The following PXMP2 variants were observed in gnomAD, a reference collection of about 807,000 sequenced individuals.
PXMP2 encodes the protein 22 kDa peroxisomal membrane protein.
PXMP2 carries 13 observed loss-of-function variants against 20.2 expected under a neutral mutation model. The ratio of observed to expected loss-of-function variants is 0.64; its 90% CI spans 0.42 to 1.02. The LOEUF is 1.02. PXMP2 is among the 50% of genes least tolerant of loss of function. PXMP2 has a pLI of 0.00. For missense variants in PXMP2, 284 were observed against 251.8 expected (o/e 1.13, Z -0.87); for synonymous variants, 113 against 111.2 (o/e 1.02, Z -0.10).
rs1461543117 is a variant in PXMP2, at chr12:132,694,433, CAGTT to C, written c.237-1443_237-1440del. The stretch of plus-strand genomic sequence containing the variant: ...TTGCCAGTTAGTGAGCTCCCTTAGC[CAGTT>C]AGTTAGTGAGCTCCCTTAGCCAGTT... On this transcript the variant is annotated intron_variant, in intron 2 of 4. Coordinates refer to ENST00000317479, the MANE Select transcript of PXMP2 (RefSeq NM_018663.3). Among the ~76,000 whole-genome samples the C allele has an allele frequency of 2.4e-4, 22 of 90,290 alleles. 2 individuals are homozygous for C. The highest frequency in any genetic ancestry group is 6.3e-4 in the African/African-American group (16 of 25,486). The allele number at this position is 90,290 out of a possible 152,430, so 59.2% of individuals were successfully genotyped here.
intron 4 of PXMP2, chr12:132,701,693 G>C (rs1236508351): frequency 9.0e-6 from 3 of 334,204 alleles, no homozygotes; most frequent in African/African-American, 2.3e-5. Context: ...GAGTTTTCTA[G>C]CCTTTGAAAC....
chr12:132,704,257 T>G (rs543220361), intron 4 of PXMP2, among the ~76,000 whole-genome samples: 1 of 152,080 alleles, frequency 6.6e-6, no homozygotes, highest in African/African-American at 2.4e-5. Flanking sequence ...GTTCGTCAGC[T>G]GTGTCCCCTG....
intron 3 of PXMP2, among the ~76,000 whole-genome samples, chr12:132,700,592 C>T (rs2043433633): frequency 6.6e-6 from 1 of 152,138 alleles, no homozygotes. Flanking sequence ...TTGTAGGATG[C>T]ATAATATGCA....
chr12:132,692,600 TAGTTA>T (rs1474128769), intron 2 of PXMP2, among the ~76,000 whole-genome samples: 8 of 136,144 alleles, frequency 5.9e-5, no homozygotes, highest in Admixed American at 7.7e-5. Context: ...CCTTGCCAGT[TAGTTA>T]AGTGAGCGCC....
chr12:132,701,339 G>A lies in PXMP2; in HGVS notation c.489G>A (p.Gln163=). ...ACTGGCGGGTGTGGACGCCACTACA[G>A]TTCATCAACATCAACTACGTCCCTC... ...RMNWRVWTPL[Q]FININYVPLK... is the part of the protein sequence containing the mutation. Residue 163 remains glutamine, a synonymous_variant, in exon 4 of 5, where the codon CAG becomes CAA. Coordinates refer to ENST00000317479, the MANE Select transcript of PXMP2 (RefSeq NM_018663.3). 6.2e-7 allele frequency: 1 copy of A among 1,613,170 alleles called. No individual in the cohort carries two copies. Among genetic ancestry groups the A allele is most frequent in the Non-Finnish European group, 8.5e-7 (1 of 1,179,814 alleles).
chr12:132,694,328 TAGTTAGTGAGCGCCCTTGCC>T (rs1467830271), intron 2 of PXMP2, among the ~76,000 whole-genome samples: 27 of 83,874 alleles, frequency 3.2e-4, no homozygotes, highest in African/African-American at 5.8e-4. Flanking sequence ...CTTAGTCAGT[TAGTTAGTGAGCGCCCTTGCC>T]AGTTAGTGAG....
rs548341304 is a variant in PXMP2, at chr12:132,693,570, C to A, written c.237-2314C>A. Among the ~76,000 whole-genome samples, 5 of 85,698 alleles carry A rather than the reference C, an allele frequency of 5.8e-5. 1 individual carries two copies. Among genetic ancestry groups the A allele is most frequent in the East Asian group, 6.0e-4 (2 of 3,334 alleles). 56.2% of individuals were successfully genotyped at this position (85,698 alleles called of 152,430 possible). ...CCCTTAGTCAGTTAGTTAGTGAGCG[C>A]CCTTGCCAGTTAGTGAGCGCCCTTG... On this transcript the variant is annotated intron_variant, in intron 2 of 4. Transcript: ENST00000317479.
intron 4 of PXMP2, 137 bp downstream of exon 4, chr12:132,701,506 C>T: frequency 8.1e-7 from 1 of 1,238,920 alleles, no homozygotes; most frequent in Non-Finnish European, 1.1e-6. Context: ...TTCCGCTAGA[C>T]TTAGTTTCAT....
At chr12:132,701,673 G>T in intron 4 of PXMP2, 1 of 364,006 alleles carries the variant, frequency 2.7e-6, no homozygotes, top group Non-Finnish European at 5.0e-6. Context: ...CCCATGCCAG[G>T]GATGCCTATG....
chr12:132,704,682 A>C lies in PXMP2; in HGVS notation c.583A>C (p.Lys195Gln). 6.4e-7 allele frequency: 1 copy of C among 1,565,838 alleles called. No homozygotes were observed. The highest frequency in any genetic ancestry group is 8.7e-7 in the Non-Finnish European group (1 of 1,154,810). ...GTATGCCTACCTGGCCTCCTTGGGG[A>C]AGTGACGACCGCTGGGAGAACATCA... is the stretch of plus-strand genomic sequence containing the variant. ...FWYAYLASLGK is the reference protein window; with the variant it reads ...FWYAYLASLGQ The change falls in exon 5 of 5, where the codon AAG becomes CAG. Residue 195 changes from lysine to glutamine, a missense_variant. By Grantham distance (53) the Lys-to-Gln change is moderately conservative. Transcript: ENST00000317479.
intron 4 of PXMP2, 85 bp from the exon 5 acceptor site, chr12:132,704,534 A>C (rs2043459619): frequency 1.9e-5 from 21 of 1,130,338 alleles, no homozygotes; most frequent in Non-Finnish European, 2.4e-5. Context: ...ACAAACGGGT[A>C]AACAAATGAA....
intron 1 of PXMP2, among the ~76,000 whole-genome samples, chr12:132,688,937 A>T (rs1378656353): frequency 4.8e-5 from 1 of 20,974 alleles, no homozygotes; most frequent in Non-Finnish European, 9.5e-5. Context: ...GCGGGTCCTC[A>T]TGGAGCGTGT....
At chr12:132,692,324 AG>A (rs2043373874) in intron 2 of PXMP2, among the ~76,000 whole-genome samples, 1 of 116,270 alleles carries the variant, frequency 8.6e-6, no homozygotes, top group African/African-American at 3.2e-5. Flanking sequence ...GAGCTCCCTT[AG>A]CCAGTTAGTT....
At position 132,687,796 on chromosome 12, in the gene PXMP2, A is replaced by T; in HGVS notation, c.122+4A>T. ...TGCTCACCAAGGCGGCCACCAGGTG[A>T]GCGGGGGCGCGGGAATCGGACGCCG... On this transcript the variant is annotated splice_donor_region_variant and intron_variant, in intron 1 of 4. Transcript: ENST00000317479. 1 of 1,153,818 alleles carries T rather than the reference A, an allele frequency of 8.7e-7. No individual in the cohort carries two copies. The highest frequency in any genetic ancestry group is 1.1e-6 in the Non-Finnish European group (1 of 938,348). 71.5% of individuals were successfully genotyped at this position (1,153,818 alleles called of 1,614,324 possible).
intron 3 of PXMP2, among the ~76,000 whole-genome samples, chr12:132,697,267 A>G (rs1347264385): frequency 6.6e-6 from 1 of 151,716 alleles, no homozygotes; most frequent in Non-Finnish European, 1.5e-5. Flanking sequence ...CCTGGGTAAC[A>G]GAGCAAGACA....
chr12:132,700,137 G>A (rs927137609), intron 3 of PXMP2, among the ~76,000 whole-genome samples: 4 of 151,702 alleles, frequency 2.6e-5, no homozygotes, highest in Admixed American at 6.6e-5. Context: ...CGCCTCCCGG[G>A]TTCAAGTGAT....
At chr12:132,691,051 ATTTTTTTT>A (rs35869908) in intron 2 of PXMP2, among the ~76,000 whole-genome samples, 1 of 133,740 alleles carries the variant, frequency 7.5e-6, no homozygotes, top group Non-Finnish European at 1.6e-5. Context: ...TGTTATTTTA[ATTTTTTTT>A]TTTTTTTTTT....
intron 2 of PXMP2, among the ~76,000 whole-genome samples, chr12:132,694,991 CAGTTAGTTAGTGAGCTCCCTTAGCCAGTT>C (rs1368450557): frequency 1.3e-4 from 19 of 143,018 alleles, no homozygotes; most frequent in African/African-American, 4.4e-4. Flanking sequence ...CTCCCTTAGC[CAGTTAGTTAGTGAGCTCCCTTAGCCAGTT>C]AGTTAGTGAG....
Position 132,687,617 on chromosome 12 carries a change from C to G in PXMP2, c.-54C>G. The stretch of plus-strand genomic sequence containing the variant: ...GCTCTCGGCGCCTCGGGCTCCGCGC[C>G]CGGCCAGCCTGAGGTGGGGTCGGTG... On this transcript the variant is annotated 5_prime_UTR_variant, in exon 1 of 5. Transcript: ENST00000317479. The G allele has an allele frequency of 5.2e-6, 6 of 1,161,302 alleles. No individual in the cohort carries two copies. Among genetic ancestry groups the G allele is most frequent in the African/African-American group, 3.2e-5 (2 of 62,190 alleles). 71.9% of individuals were successfully genotyped at this position (1,161,302 alleles called of 1,614,324 possible). A position where few individuals can be genotyped will look rare whatever the true frequency, so the allele number is the denominator to read the frequency against.
Sources: gnomAD v4.1 joint callset for allele counts (sites outside exome capture counted in the v4.1 genomes callset) on GRCh38, gnomAD v4.1.1 for gene constraint, MANE v1.5 for transcripts, NCBI Gene and HGNC (gene_info 2026-07-23, HGNC 2026-07-21) for gene names.